Variants in ANTXR1 observed in about 807,000 individuals in gnomAD.
ANTXR1 encodes the protein anthrax toxin receptor 1.
A neutral mutation model predicts 78.1 loss-of-function variants in ANTXR1; 19 were observed. That is an observed-to-expected ratio of 0.24 (90% CI 0.17 to 0.36). ANTXR1 has a LOEUF of 0.36. Ranked by LOEUF, ANTXR1 falls within the 10% of genes least tolerant of loss-of-function variation. The probability of loss-of-function intolerance (pLI) is 1.00; values close to 1 mark genes in which losing one functional copy is unlikely to be tolerated. For missense variants in ANTXR1, 518 were observed against 718.6 expected, an observed-to-expected ratio of 0.72 and a Z score of 3.19; for synonymous variants, 273 against 260.5, an observed-to-expected ratio of 1.05 and a Z score of -0.46.
chr2:69,090,994 T>C, intron 9 of ANTXR1, 75 bp downstream of exon 9: 1 of 1,488,106 alleles, frequency 6.7e-7, no homozygotes, highest in Admixed American at 1.7e-5. Flanking sequence ...ATGTACTTCA[T>C]TGTTGGTGGG....
intron 1 of ANTXR1, among the ~76,000 whole-genome samples, chr2:69,015,683 G>A (rs540205854): frequency 6.6e-6 from 1 of 152,094 alleles, no homozygotes; most frequent in East Asian, 1.9e-4. Flanking sequence ...TGTAATCTTA[G>A]GTTTAGAGCT....
intron 17 of ANTXR1, among the ~76,000 whole-genome samples, chr2:69,208,023 A>G (rs958096131): frequency 2.6e-5 from 4 of 152,206 alleles, no homozygotes; most frequent in African/African-American, 9.7e-5. Flanking sequence ...TAGAAAACCA[A>G]TTAGGAAAGG....
intron 17 of ANTXR1, among the ~76,000 whole-genome samples, chr2:69,202,348 T>C (rs1330304189): frequency 6.6e-6 from 1 of 152,078 alleles, no homozygotes; most frequent in Non-Finnish European, 1.5e-5. Flanking sequence ...CTGAGAGCAA[T>C]CATCTAATAA....
intron 17 of ANTXR1, 145 bp downstream of exon 17, chr2:69,193,560 C>A: frequency 1.4e-6 from 1 of 726,640 alleles, no homozygotes. Flanking sequence ...GCTAGAATAA[C>A]TCCAGATTTA....
chr2:69,118,689 T>C (rs1439620799), intron 10 of ANTXR1, among the ~76,000 whole-genome samples: 1 of 152,114 alleles, frequency 6.6e-6, no homozygotes, highest in Non-Finnish European at 1.5e-5. Flanking sequence ...CCACTGGCTT[T>C]GGCACACGCT....
intron 12 of ANTXR1, among the ~76,000 whole-genome samples, chr2:69,147,455 C>G (rs745647589): frequency 6.6e-6 from 1 of 152,176 alleles, no homozygotes; most frequent in Non-Finnish European, 1.5e-5. Context: ...GCCATGGTCC[C>G]CCTCCCTCTC....
intron 16 of ANTXR1, among the ~76,000 whole-genome samples, chr2:69,183,720 G>A (rs901409392): frequency 2.0e-5 from 3 of 151,628 alleles, no homozygotes; most frequent in Non-Finnish European, 4.4e-5. Context: ...CAGCCTGAAG[G>A]CCTCTTTTCT....
At chr2:69,200,116 G>C (rs1390581303) in intron 17 of ANTXR1, among the ~76,000 whole-genome samples, 1 of 152,266 alleles carries the variant, frequency 6.6e-6, no homozygotes, top group East Asian at 1.9e-4. Flanking sequence ...CACTTCACGT[G>C]CTCCCAGAGA....
intron 12 of ANTXR1, among the ~76,000 whole-genome samples, chr2:69,140,353 G>A (rs1183428522): frequency 1.3e-5 from 2 of 152,158 alleles, no homozygotes; most frequent in East Asian, 1.9e-4. Context: ...CTCCTTCAAC[G>A]GATTTGCTTT....
chr2:69,055,410 GGTTT>G (rs957170298), intron 3 of ANTXR1, among the ~76,000 whole-genome samples: 1 of 152,104 alleles, frequency 6.6e-6, no homozygotes, highest in African/African-American at 2.4e-5. Context: ...CTCTACAGAA[GGTTT>G]GTTTAAGGGG....
At chr2:69,103,216 CCCAGCCCTGCAGCAGCCCTCCGG>C (rs1671685279) in intron 10 of ANTXR1, 2 of 470,842 alleles carry the variant, frequency 4.2e-6, no homozygotes, top group Admixed American at 3.3e-5. Flanking sequence ...AGCCACAAGC[CCCAGCCCTGCAGCAGCCCTCCGG>C]AAGCAGCGGG....
intron 17 of ANTXR1, among the ~76,000 whole-genome samples, chr2:69,237,416 G>A (rs776573373): frequency 6.6e-6 from 1 of 152,166 alleles, no homozygotes; most frequent in Non-Finnish European, 1.5e-5. Flanking sequence ...CTCTTTGCCC[G>A]TGGCTCCAGC....
At chr2:69,045,602 A>AG (rs964073046) in intron 3 of ANTXR1, among the ~76,000 whole-genome samples, 22 of 152,044 alleles carry the variant, frequency 1.4e-4, no homozygotes, top group Non-Finnish European at 2.1e-4. Flanking sequence ...GGGCCAGTAC[A>AG]GGGGGGGCAG....
At chr2:69,137,994 G>C (rs902497222) in intron 12 of ANTXR1, among the ~76,000 whole-genome samples, 13 of 149,604 alleles carry the variant, frequency 8.7e-5, no homozygotes, top group African/African-American at 3.0e-4. Flanking sequence ...TGAGGCAGGA[G>C]AATTGCTAGA....
intron 9 of ANTXR1, among the ~76,000 whole-genome samples, chr2:69,102,408 AGG>A (rs1415512719): frequency 6.6e-6 from 1 of 152,266 alleles, no homozygotes; most frequent in East Asian, 1.9e-4. Flanking sequence ...AAATCCTTTC[AGG>A]GGAGTACAAT....
intron 16 of ANTXR1, among the ~76,000 whole-genome samples, chr2:69,183,523 C>T (rs1324069254): frequency 6.6e-6 from 1 of 151,942 alleles, no homozygotes; most frequent in Non-Finnish European, 1.5e-5. Context: ...CCACCTCAAC[C>T]CCCAAGTAGC....
intron 16 of ANTXR1, among the ~76,000 whole-genome samples, chr2:69,183,980 A>G (rs1051224919): frequency 2.0e-5 from 3 of 152,086 alleles, no homozygotes; most frequent in Non-Finnish European, 4.4e-5. Context: ...TCAAGCTGCA[A>G]ACAGAACCGA....
chr2:69,040,462 G>A (rs1669581361), intron 2 of ANTXR1, among the ~76,000 whole-genome samples: 1 of 152,134 alleles, frequency 6.6e-6, no homozygotes, highest in African/African-American at 2.4e-5. Flanking sequence ...TCACGTGTAG[G>A]GTGTACAGTG....
intron 1 of ANTXR1, among the ~76,000 whole-genome samples, chr2:69,023,495 T>C (rs1297036295): frequency 1.7e-5 from 2 of 120,162 alleles, no homozygotes; most frequent in Admixed American, 8.4e-5. Flanking sequence ...GATGGTGATA[T>C]GGTGGTGGTG....
Sources: gnomAD v4.1 joint callset for allele counts (sites outside exome capture counted in the v4.1 genomes callset) on GRCh38, gnomAD v4.1.1 for gene constraint, MANE v1.5 for transcripts, NCBI Gene and HGNC (gene_info 2026-07-23, HGNC 2026-07-21) for gene names.